The following TBC1D32 variants were observed in gnomAD, a reference collection of about 807,000 sequenced individuals.
TBC1D32 encodes protein broad-minded.
In TBC1D32, 151 loss-of-function variants were observed where a neutral mutation model predicts 170.3. That is an observed-to-expected ratio of 0.89 (90% CI 0.78 to 1.01). The LOEUF is 1.01. Ranked by LOEUF, TBC1D32 falls within the 50% of genes least tolerant of loss-of-function variation. The pLI, the probability that TBC1D32 is intolerant of heterozygous loss-of-function variation, is 0.00. For synonymous variants in TBC1D32, 498 were observed against 488.0 expected, an observed-to-expected ratio of 1.02 and a Z score of -0.27; for missense variants, 1,464 against 1,457.1, an observed-to-expected ratio of 1.00 and a Z score of -0.08.
intron 17 of TBC1D32, among the ~76,000 whole-genome samples, chr6:121,250,382 T>A (rs1798137959): frequency 6.6e-6 from 1 of 152,098 alleles, no homozygotes; most frequent in Admixed American, 6.6e-5. Flanking sequence ...AAAAAGCTTA[T>A]CCACCATGAT....
intron 26 of TBC1D32, 106 bp downstream of exon 26, chr6:121,126,272 T>C (rs993055872): frequency 1.9e-4 from 146 of 749,694 alleles, no homozygotes; most frequent in Non-Finnish European, 2.9e-4. Context: ...AAGTAAGAGA[T>C]TGTTAGGATG....
chr6:121,086,956 A>T (rs1301315747), intron 31 of TBC1D32, among the ~76,000 whole-genome samples: 2 of 152,244 alleles, frequency 1.3e-5, no homozygotes, highest in African/African-American at 4.8e-5. Flanking sequence ...CCCCTTGGAA[A>T]TATCTACAGA....
intron 26 of TBC1D32, 132 bp downstream of exon 26, chr6:121,126,246 G>T: frequency 1.7e-6 from 1 of 579,524 alleles, no homozygotes; most frequent in Non-Finnish European, 3.0e-6. Flanking sequence ...ATGATATCTG[G>T]AATGTATATG....
chr6:121,220,989 C>T (rs977710902), intron 21 of TBC1D32, among the ~76,000 whole-genome samples: 6 of 107,690 alleles, frequency 5.6e-5, no homozygotes, highest in African/African-American at 1.0e-4. Flanking sequence ...AAGAAGATAC[C>T]GTCTAGGATT....
chr6:121,140,289 T>G (rs1410427766), intron 24 of TBC1D32, among the ~76,000 whole-genome samples: 1 of 149,170 alleles, frequency 6.7e-6, no homozygotes, highest in African/African-American at 2.5e-5. Context: ...CCCACCCTGA[T>G]CTCATTTAAT....
chr6:121,128,212 T>C (rs550424713), intron 25 of TBC1D32, among the ~76,000 whole-genome samples: 20 of 152,186 alleles, frequency 1.3e-4, no homozygotes, highest in Non-Finnish European at 2.5e-4. Flanking sequence ...TGCCTATTTA[T>C]TCATTTTGCC....
Position 121,161,022 on chromosome 6 carries a change from T to C in TBC1D32, c.2605A>G (p.Asn869Asp), listed in dbSNP as rs746218871. ...FIIDGLSVER[N>D]HVLVRINLVG... ...AGATTTATTCTAACAAGAACATGAT[T>C]TCTCTCCACTGATAAGCCATCAATT... Residue 869 changes from asparagine to aspartate, a missense_variant, in exon 23 of 32, where the codon AAT (asparagine) becomes GAT (aspartate). Transcript: ENST00000398212. 1.4e-5 allele frequency: 23 copies of C among 1,613,496 alleles called. No individual in the cohort carries two copies. The highest frequency in any genetic ancestry group is 1.7e-5 in the Non-Finnish European group (20 of 1,179,772).
chr6:121,154,595 A>G (rs1226467983), intron 24 of TBC1D32, among the ~76,000 whole-genome samples: 1 of 152,226 alleles, frequency 6.6e-6, no homozygotes. Context: ...TAAAATTCCT[A>G]GAAGAAAATC....
At chr6:121,124,771 ATT>A (rs58989299) in intron 26 of TBC1D32, among the ~76,000 whole-genome samples, 1 of 151,596 alleles carries the variant, frequency 6.6e-6, no homozygotes, top group Non-Finnish European at 1.5e-5. Flanking sequence ...AAGCTCACTG[ATT>A]TTTTTTTCTT....
At chr6:121,310,560 T>C (rs535648269) in intron 4 of TBC1D32, among the ~76,000 whole-genome samples, 15 of 152,310 alleles carry the variant, frequency 9.8e-5, no homozygotes, top group Admixed American at 9.2e-4. Flanking sequence ...AAGATAAAAA[T>C]TTCCTCTTCC....
At chr6:121,186,678 C>T (rs1277042469) in intron 22 of TBC1D32, among the ~76,000 whole-genome samples, 3 of 151,886 alleles carry the variant, frequency 2.0e-5, no homozygotes, top group Admixed American at 6.6e-5. Flanking sequence ...TCCTGCTTTA[C>T]GTAGGGTGTT....
intron 1 of TBC1D32, among the ~76,000 whole-genome samples, chr6:121,330,538 T>A (rs1028569200): frequency 3.3e-5 from 5 of 152,112 alleles, no homozygotes; most frequent in African/African-American, 4.8e-5. Context: ...TTAGAATTGG[T>A]AGGTACTTTT....
chr6:121,123,549 G>GT (rs1472652878), intron 26 of TBC1D32, among the ~76,000 whole-genome samples: 1 of 151,816 alleles, frequency 6.6e-6, no homozygotes, highest in African/African-American at 2.4e-5. Context: ...TATAAGTATA[G>GT]TTACTCCTAT....
At chr6:121,234,181 C>CAT (rs148135094) in intron 20 of TBC1D32, among the ~76,000 whole-genome samples, 2,276 of 152,174 alleles carry the variant, frequency 0.015, 40 homozygotes, top group African/African-American at 0.044. Flanking sequence ...ACCTGATGAC[C>CAT]ATATGCCTAG....
chr6:121,279,216 T>C lies in TBC1D32; in HGVS notation c.1638A>G (p.Leu546=). 6.2e-7 allele frequency: 1 copy of C among 1,609,790 alleles called. No individual in the cohort carries two copies. The highest frequency in any genetic ancestry group is 8.5e-7 in the Non-Finnish European group (1 of 1,178,466). Residue 546 remains leucine (L), a synonymous_variant, in exon 15 of 32, where the codon TTA becomes TTG. Coordinates refer to ENST00000398212, the MANE Select transcript of TBC1D32 (RefSeq NM_152730.6). ...TTGCCAAAATACCAGCTATATGAAT[T>C]AAAGCTGTCTCAGAGCAATTTGGAG... ...EASPNCSETA[L]IHIAGILARI...
chr6:121,085,320 CAT>C (rs10597029), intron 31 of TBC1D32, among the ~76,000 whole-genome samples: 28,017 of 143,578 alleles, frequency 0.2, 3,766 homozygotes, highest in African/African-American at 0.36. Context: ...CATATATACA[CAT>C]ATATATATAC....
At chr6:121,304,264 G>GGTAA (rs1806973794) in intron 8 of TBC1D32, 101 bp downstream of exon 8, 1 of 1,010,838 alleles carries the variant, frequency 9.9e-7, no homozygotes, top group Non-Finnish European at 1.5e-6. Flanking sequence ...TTCCCAATCA[G>GGTAA]GTAAGTCCAT....
Position 121,195,091 on chromosome 6 carries a change from C to T in TBC1D32, c.2570+9984G>A, listed in dbSNP as rs569984581. Among the ~76,000 whole-genome samples, 17 of 152,234 alleles carry T rather than the reference C, an allele frequency of 1.1e-4. No individual in the cohort carries two copies. In the South Asian group the frequency reaches 2.7e-3, roughly 24 times the overall value. ...ACACCTAGTGGGCCTATTTGGATTTCGGAGGCAACACATTCCTCACTTGGG... is the reference window on the plus strand; with the variant it reads ...ACACCTAGTGGGCCTATTTGGATTTTGGAGGCAACACATTCCTCACTTGGG... On this transcript the variant is annotated intron_variant, in intron 22 of 31. Transcript: ENST00000398212.
Position 121,304,524 on chromosome 6 carries a change from T to C in TBC1D32, c.871A>G (p.Lys291Glu). 1 of 1,607,854 alleles carries C rather than the reference T, an allele frequency of 6.2e-7. No individual in the cohort carries two copies. The stretch of plus-strand genomic sequence containing the variant: ...AGCATATTGTAGTAAATGGATACCT[T>C]TTTAAGTAAGCGAGTCATATTAGGA... Reference protein sequence around the residue: ...TNPNMTRLLKKVRLLNEYQKE... With the variant: ...TNPNMTRLLKEVRLLNEYQKE... The change falls in exon 7 of 32, where the codon AAG (lysine) becomes GAG (glutamate). Residue 291 changes from lysine (K) to glutamate (E), a missense_variant and splice_region_variant. By Grantham distance (56) the Lys-to-Glu change is moderately conservative. Coordinates refer to ENST00000398212, the MANE Select transcript of TBC1D32 (RefSeq NM_152730.6).
Sources: allele counts gnomAD v4.1 joint callset (sites outside exome capture counted in the v4.1 genomes callset), GRCh38; gene constraint gnomAD v4.1.1; transcripts MANE v1.5; gene names NCBI Gene and HGNC (gene_info 2026-07-23, HGNC 2026-07-21).